Variants in VAV3 observed in about 807,000 individuals in gnomAD.
VAV3 encodes the protein vav guanine nucleotide exchange factor 3.
VAV3 carries 94 observed loss-of-function variants against 131.2 expected under a neutral mutation model. That is an observed-to-expected ratio of 0.72 (90% CI 0.61 to 0.85). The LOEUF (loss-of-function observed/expected upper bound fraction) is 0.85, where lower values mean the gene tolerates loss of function less well. Among genes scored for constraint, VAV3 ranks in the 40% least tolerant of loss-of-function variants. The pLI is 0.00. For missense variants in VAV3, 939 were observed against 1,002.7 expected (o/e 0.94, Z 0.86); for synonymous variants, 349 against 342.0 (o/e 1.02, Z -0.22).
intron 20 of VAV3, among the ~76,000 whole-genome samples, chr1:107,618,624 T>C (rs1237113470): frequency 6.6e-6 from 1 of 152,220 alleles, no homozygotes; most frequent in Non-Finnish European, 1.5e-5. Flanking sequence ...TAATCCTTGC[T>C]ATGATCCTTT....
At chr1:107,859,629 A>G (rs1669645618) in intron 2 of VAV3, among the ~76,000 whole-genome samples, 1 of 152,204 alleles carries the variant, frequency 6.6e-6, no homozygotes, top group Non-Finnish European at 1.5e-5. Context: ...TAAATTACAG[A>G]AAACTAAAGC....
intron 20 of VAV3, 54 bp from the exon 21 acceptor site, chr1:107,617,686 AC>A (rs1653268498): frequency 4.6e-6 from 7 of 1,512,564 alleles, no homozygotes; most frequent in Non-Finnish European, 6.4e-6. Context: ...ACAAATGATA[AC>A]CCCATGATGC....
At chr1:107,606,494 C>G (rs1289643082) in intron 22 of VAV3, among the ~76,000 whole-genome samples, 2 of 152,092 alleles carry the variant, frequency 1.3e-5, no homozygotes, top group Admixed American at 6.6e-5. Flanking sequence ...ATTTCTGTAT[C>G]ATTTCTTTGA....
intron 17 of VAV3, among the ~76,000 whole-genome samples, chr1:107,691,244 T>G (rs1424576422): frequency 6.6e-6 from 1 of 152,156 alleles, no homozygotes; most frequent in Non-Finnish European, 1.5e-5. Flanking sequence ...ATACATATAT[T>G]TTTCAAAGTA....
intron 1 of VAV3, among the ~76,000 whole-genome samples, chr1:107,948,789 T>C (rs900345134): frequency 6.6e-6 from 1 of 151,936 alleles, no homozygotes; most frequent in Non-Finnish European, 1.5e-5. Flanking sequence ...GAGGTTGCGG[T>C]GAGCTGAGAT....
chr1:107,772,002 T>G (rs1242594538), intron 5 of VAV3, among the ~76,000 whole-genome samples: 2 of 152,166 alleles, frequency 1.3e-5, no homozygotes, highest in Non-Finnish European at 2.9e-5. Context: ...AGTAGGAACA[T>G]AGAGAGAGCT....
intron 19 of VAV3, among the ~76,000 whole-genome samples, chr1:107,647,203 A>C (rs1655802377): frequency 6.7e-6 from 1 of 149,962 alleles, no homozygotes; most frequent in Non-Finnish European, 1.5e-5. Context: ...TCCCCGAGGC[A>C]ATAACTTAGA....
At chr1:107,884,215 A>G (rs1157490417) in intron 1 of VAV3, among the ~76,000 whole-genome samples, 1 of 151,712 alleles carries the variant, frequency 6.6e-6, no homozygotes, top group Non-Finnish European at 1.5e-5. Context: ...TAATAATTTA[A>G]CTGTACATAT....
intron 20 of VAV3, among the ~76,000 whole-genome samples, chr1:107,631,142 T>C (rs1364635022): frequency 6.6e-6 from 1 of 152,146 alleles, no homozygotes; most frequent in Non-Finnish European, 1.5e-5. Context: ...AGCCAAAGTA[T>C]TGTAACACCT....
At chr1:107,772,708 A>C in intron 5 of VAV3, 27 bp downstream of exon 5, 5 of 1,557,576 alleles carry the variant, frequency 3.2e-6, no homozygotes, top group Non-Finnish European at 4.4e-6. Context: ...TATTCAGAGT[A>C]ACTTTAAAAA....
At chr1:107,889,368 T>C (rs1189472408) in intron 1 of VAV3, among the ~76,000 whole-genome samples, 2 of 152,092 alleles carry the variant, frequency 1.3e-5, no homozygotes, top group Non-Finnish European at 2.9e-5. Flanking sequence ...TGTAATGGCA[T>C]GAAGAATGAG....
rs1435397170 is a variant in VAV3, at chr1:107,571,699, T to C, written c.*1632A>G. The stretch of plus-strand genomic sequence containing the variant: ...TTTATAAAATACATTTTTGTGATCA[T>C]TTACACATATACAAAGACTTAAATG... On this transcript the variant is annotated 3_prime_UTR_variant, in exon 27 of 27. Coordinates refer to ENST00000370056, the MANE Select transcript of VAV3 (RefSeq NM_006113.5). 1 of 152,686 alleles carries C rather than the reference T, an allele frequency of 6.5e-6. No individual in the cohort carries two copies. The highest frequency in any genetic ancestry group is 1.5e-5 in the Non-Finnish European group (1 of 68,052). 9.5% of individuals were successfully genotyped at this position (152,686 alleles called of 1,614,324 possible). A position where few individuals can be genotyped will look rare whatever the true frequency, so the allele number is the denominator to read the frequency against.
intron 1 of VAV3, among the ~76,000 whole-genome samples, chr1:107,956,681 CATA>C (rs1674832402): frequency 6.6e-6 from 1 of 152,000 alleles, no homozygotes; most frequent in Non-Finnish European, 1.5e-5. Flanking sequence ...AGTTCCAGAC[CATA>C]CTTTGAGAAC....
intron 20 of VAV3, among the ~76,000 whole-genome samples, chr1:107,635,617 TAATAA>T (rs914709018): frequency 3.3e-5 from 5 of 152,240 alleles, no homozygotes; most frequent in African/African-American, 4.8e-5. Context: ...ACTTAAAGTA[TAATAA>T]AATAAATTTT....
chr1:107,689,127 C>T (rs538401827), intron 17 of VAV3, among the ~76,000 whole-genome samples: 11 of 152,192 alleles, frequency 7.2e-5, no homozygotes, highest in African/African-American at 1.9e-4. Flanking sequence ...GGGATAAGGG[C>T]GCACACGGCA....
intron 15 of VAV3, among the ~76,000 whole-genome samples, chr1:107,706,729 C>T (rs1271337315): frequency 2.0e-5 from 3 of 152,120 alleles, no homozygotes; most frequent in South Asian, 2.1e-4. Context: ...GCTGTTGGTT[C>T]ATTTGTTTCT....
intron 1 of VAV3, among the ~76,000 whole-genome samples, chr1:107,933,240 G>T (rs1347348728): frequency 1.3e-5 from 2 of 149,914 alleles, no homozygotes; most frequent in African/African-American, 4.9e-5. Context: ...TTTGCCAGAG[G>T]TTTAGGTTTA....
intron 1 of VAV3, among the ~76,000 whole-genome samples, chr1:107,924,059 A>T (rs1033409037): frequency 6.6e-6 from 1 of 152,064 alleles, no homozygotes; most frequent in Non-Finnish European, 1.5e-5. Flanking sequence ...ACTGTTTTGG[A>T]CTTTTCACTC....
intron 2 of VAV3, among the ~76,000 whole-genome samples, chr1:107,804,450 T>G (rs567061621): frequency 2.1e-4 from 32 of 152,286 alleles, no homozygotes; most frequent in African/African-American, 7.5e-4. Flanking sequence ...CAAAAAAATC[T>G]TGTAGACATA....
Sources: gnomAD v4.1 joint callset for allele counts (sites outside exome capture counted in the v4.1 genomes callset) on GRCh38, gnomAD v4.1.1 for gene constraint, MANE v1.5 for transcripts, NCBI Gene and HGNC (gene_info 2026-07-23, HGNC 2026-07-21) for gene names.